Variants in CHST9 observed in about 807,000 individuals in gnomAD.
CHST9 encodes the protein carbohydrate sulfotransferase 9.
In CHST9, 41 loss-of-function variants were observed where a neutral mutation model predicts 44.4. The observed-to-expected ratio is 0.92, with a 90% CI of 0.72 to 1.20. The LOEUF (loss-of-function observed/expected upper bound fraction) is 1.20. CHST9 is among the 50% of genes most tolerant of loss of function. The probability of loss-of-function intolerance (pLI) is 0.00; values close to 1 mark genes in which losing one functional copy is unlikely to be tolerated. For missense variants in CHST9, 504 were observed against 516.5 expected, an observed-to-expected ratio of 0.98 and a Z score of 0.23; for synonymous variants, 171 against 178.4, an observed-to-expected ratio of 0.96 and a Z score of 0.33.
At chr18:27,025,790 G>A (rs1218264655) in intron 3 of CHST9, among the ~76,000 whole-genome samples, 3 of 152,148 alleles carry the variant, frequency 2.0e-5, no homozygotes, top group Non-Finnish European at 4.4e-5. Context: ...CCCAGGTAAT[G>A]GTAGCATGAT....
At chr18:26,931,361 T>C (rs1410726439) in intron 5 of CHST9, among the ~76,000 whole-genome samples, 6 of 152,190 alleles carry the variant, frequency 3.9e-5, no homozygotes. Context: ...AAGTCTCAAG[T>C]GCCACACAAG....
Position 26,917,335 on chromosome 18 carries a change from T to C in CHST9, c.256A>G (p.Met86Val). Residue 86 changes from methionine to valine, a missense_variant, in exon 6 of 6, where the codon ATG (methionine) becomes GTG (valine). Physicochemically the swap from Met to Val is conservative, Grantham distance 21. Transcript: ENST00000618847. ...HITNQNPKFH[M>V]PEDVREKKEN... ...TTTTTTTCTCGTACATCCTCAGGCA[T>C]GTGAAACTTGGGGTTCTGTTAAAAT... 10 of 1,610,438 alleles carry C rather than the reference T, an allele frequency of 6.2e-6. No individual in the cohort carries two copies. The highest frequency in any genetic ancestry group is 8.5e-6 in the Non-Finnish European group (10 of 1,178,652).
At chr18:26,933,382 T>C (rs1235523857) in intron 5 of CHST9, among the ~76,000 whole-genome samples, 4 of 152,174 alleles carry the variant, frequency 2.6e-5, no homozygotes, top group Non-Finnish European at 5.9e-5. Flanking sequence ...TTCTGAAAAA[T>C]ATGTAATGCC....
chr18:26,998,334 A>T (rs1040350317), intron 4 of CHST9, among the ~76,000 whole-genome samples: 2 of 152,254 alleles, frequency 1.3e-5, no homozygotes, highest in African/African-American at 4.8e-5. Flanking sequence ...GACACTAAAC[A>T]GATATTTAAA....
At chr18:27,036,608 C>T (rs979739033) in intron 3 of CHST9, among the ~76,000 whole-genome samples, 6 of 152,160 alleles carry the variant, frequency 3.9e-5, no homozygotes, top group Non-Finnish European at 5.9e-5. Flanking sequence ...AGCCAAGCAA[C>T]ATCAAAACTT....
chr18:26,945,681 G>C (rs1397010476), intron 4 of CHST9, among the ~76,000 whole-genome samples: 1 of 152,076 alleles, frequency 6.6e-6, no homozygotes, highest in Non-Finnish European at 1.5e-5. Flanking sequence ...AGGATATCTT[G>C]GTAGTTTCTA....
At chr18:27,053,146 GA>G (rs2057592711) in intron 2 of CHST9, among the ~76,000 whole-genome samples, 1 of 133,052 alleles carries the variant, frequency 7.5e-6, no homozygotes, top group African/African-American at 2.9e-5. Context: ...AGAAGAAGAA[GA>G]AGAAGAAGAA....
chr18:27,013,378 G>C (rs1451458425), intron 4 of CHST9, among the ~76,000 whole-genome samples: 1 of 152,172 alleles, frequency 6.6e-6, no homozygotes, highest in African/African-American at 2.4e-5. Flanking sequence ...ACTATTGAGT[G>C]AACAGTTGTT....
At chr18:26,939,800 T>C (rs559177113) in intron 5 of CHST9, among the ~76,000 whole-genome samples, 1 of 152,128 alleles carries the variant, frequency 6.6e-6, no homozygotes, top group Non-Finnish European at 1.5e-5. Flanking sequence ...TCTGCCCCCA[T>C]CAAGGATGGA....
intron 2 of CHST9, among the ~76,000 whole-genome samples, chr18:27,075,567 C>T (rs72882373): frequency 0.067 from 10,264 of 152,218 alleles, 422 homozygotes; most frequent in East Asian, 0.14. Context: ...CATGTGAACA[C>T]AGTTTATTGG....
chr18:27,049,232 G>T (rs528161848), intron 2 of CHST9, among the ~76,000 whole-genome samples: 25 of 152,186 alleles, frequency 1.6e-4, no homozygotes, highest in African/African-American at 6.0e-4. Context: ...AGAGACCGGG[G>T]GGAGGCCGAA....
In CHST9 at chr18:27,184,714, AAC is replaced by A. The variant is rs201494317; in HGVS notation, c.-97+420_-97+421del. On this transcript the variant is annotated intron_variant, in intron 1 of 5. Coordinates refer to ENST00000618847, the MANE Select transcript of CHST9 (RefSeq NM_031422.6). ...GAGGACCCGACAGACTGGCAGCAGA[AAC>A]TAAAGACTGTTCCTGCCGTCCTCTT... is the stretch of plus-strand genomic sequence containing the variant. Among the ~76,000 whole-genome samples the A allele has an allele frequency of 5.3e-3, 812 of 152,234 alleles. 6 individuals carry two copies. Among genetic ancestry groups the A allele is most frequent in the African/African-American group, 0.019 (784 of 41,556 alleles).
At chr18:27,091,712 T>G (rs1264092672) in intron 2 of CHST9, among the ~76,000 whole-genome samples, 1 of 152,252 alleles carries the variant, frequency 6.6e-6, no homozygotes, top group Non-Finnish European at 1.5e-5. Context: ...ATCATGTGGC[T>G]TTTGTCATTG....
In CHST9 at chr18:27,159,540, C is replaced by T. The variant is rs1355637169; in HGVS notation, c.-96-16635G>A. On this transcript the variant is annotated intron_variant, in intron 1 of 5. Coordinates refer to ENST00000618847, the MANE Select transcript of CHST9 (RefSeq NM_031422.6). ...TGTAGTATAGTTTGAAGTCAGGTAG[C>T]GTGATGCCTCCAGCTTTGTTCTTTT... Among the ~76,000 whole-genome samples, 9 of 152,176 alleles carry T rather than the reference C, an allele frequency of 5.9e-5. No homozygotes were observed. The South Asian group carries it at 1.0e-3, about 18-fold the overall frequency.
At chr18:26,964,184 A>AT (rs1339073110) in intron 4 of CHST9, among the ~76,000 whole-genome samples, 1 of 152,222 alleles carries the variant, frequency 6.6e-6, no homozygotes, top group Non-Finnish European at 1.5e-5. Context: ...ATAGAAATCC[A>AT]TATAATTTCC....
Position 26,917,486 on chromosome 18 carries a change from A to C in CHST9, c.241-136T>G, listed in dbSNP as rs558252747. On this transcript the variant is annotated intron_variant, in intron 5 of 5. Transcript: ENST00000618847. ...ATATAAGCTGCCAGAACAATTTAGC[A>C]AGGCATGCTGAACATACATTTTGTA... 3.1e-5 allele frequency: 31 copies of C among 992,654 alleles called. No homozygotes were observed. In the African/African-American group the frequency reaches 4.2e-4, roughly 14 times the overall value. 61.5% of individuals were successfully genotyped at this position (992,654 alleles called of 1,614,324 possible).
chr18:26,928,280 A>C (rs1388372520), intron 5 of CHST9: 1 of 152,828 alleles, frequency 6.5e-6, no homozygotes, highest in East Asian at 1.9e-4. Context: ...ACACTGGAAA[A>C]GGGGATTGGC....
At chr18:27,041,851 T>G (rs1388158699) in intron 3 of CHST9, among the ~76,000 whole-genome samples, 1 of 152,192 alleles carries the variant, frequency 6.6e-6, no homozygotes, top group Non-Finnish European at 1.5e-5. Context: ...GGACTTCTTT[T>G]AATGAACAGC....
chr18:27,144,725 C>CA (rs1261088578), intron 1 of CHST9, among the ~76,000 whole-genome samples: 1 of 151,846 alleles, frequency 6.6e-6, no homozygotes, highest in Non-Finnish European at 1.5e-5. Flanking sequence ...AAAACAAAAA[C>CA]AAAAAAACTG....
Sources: gnomAD v4.1 joint callset for allele counts (sites outside exome capture counted in the v4.1 genomes callset) on GRCh38, gnomAD v4.1.1 for gene constraint, MANE v1.5 for transcripts, NCBI Gene and HGNC (gene_info 2026-07-23, HGNC 2026-07-21) for gene names.